Variants in RPS6KC1 observed in about 807,000 individuals in gnomAD.
RPS6KC1 encodes ribosomal protein S6 kinase C1.
A neutral mutation model predicts 103.8 loss-of-function variants in RPS6KC1; 54 were observed. That is an observed-to-expected ratio of 0.52 (90% CI 0.42 to 0.65). The LOEUF (loss-of-function observed/expected upper bound fraction) is 0.65. RPS6KC1 is among the 30% of genes least tolerant of loss of function. The pLI is 0.00. For missense variants in RPS6KC1, 1,151 were observed against 1,253.8 expected, an observed-to-expected ratio of 0.92 and a Z score of 1.24; for synonymous variants, 439 against 438.7, an observed-to-expected ratio of 1.00 and a Z score of -0.01.
chr1:213,595,558 G>A, the RPS6KC1 span, among the ~76,000 whole-genome samples: 5 of 152,316 alleles, frequency 3.3e-5, no homozygotes, highest in South Asian at 2.1e-4. Context: ...TCCTGACCAC[G>A]GATGGCTGGG....
At chr1:213,493,997 G>T in the RPS6KC1 span, among the ~76,000 whole-genome samples, 1 of 152,182 alleles carries the variant, frequency 6.6e-6, no homozygotes, top group Non-Finnish European at 1.5e-5. Flanking sequence ...CAGAAATCTG[G>T]GTGTAGAGGC....
chr1:213,443,846 A>G, the RPS6KC1 span, among the ~76,000 whole-genome samples: 2 of 152,122 alleles, frequency 1.3e-5, no homozygotes, highest in Non-Finnish European at 2.9e-5. Flanking sequence ...TGAAAGCTGC[A>G]GTGAGATCGC....
chr1:213,410,176 G>C, the RPS6KC1 span, among the ~76,000 whole-genome samples: 2 of 152,140 alleles, frequency 1.3e-5, no homozygotes, highest in Non-Finnish European at 2.9e-5. Context: ...ACAATGGAGA[G>C]ACTTGAGCAT....
the RPS6KC1 span, among the ~76,000 whole-genome samples, chr1:213,640,156 T>C: frequency 0.14 from 21,349 of 151,952 alleles, 2,368 homozygotes; most frequent in African/African-American, 0.31. Flanking sequence ...AAGAATTGGC[T>C]CATTTAATCT....
chr1:213,824,305 C>T, the RPS6KC1 span, among the ~76,000 whole-genome samples: 1 of 152,214 alleles, frequency 6.6e-6, no homozygotes, highest in Non-Finnish European at 1.5e-5. Flanking sequence ...GACACGTTTG[C>T]CTCACATCTT....
chr1:213,763,014 A>G, the RPS6KC1 span, among the ~76,000 whole-genome samples: 1 of 152,082 alleles, frequency 6.6e-6, no homozygotes, highest in Non-Finnish European at 1.5e-5. Context: ...ACCCGCCACC[A>G]TGCCCGGCTA....
chr1:213,734,939 T>G, the RPS6KC1 span, among the ~76,000 whole-genome samples: 2 of 152,302 alleles, frequency 1.3e-5, no homozygotes, highest in African/African-American at 2.4e-5. Flanking sequence ...GTTGTTGTTG[T>G]TTTTGAGACG....
At position 213,073,303 on chromosome 1, in the gene RPS6KC1, G is replaced by A. The variant is rs75474915; in HGVS notation, c.141+2262G>A. Among the ~76,000 whole-genome samples the A allele has an allele frequency of 9.3e-3, 1,422 of 152,356 alleles. 48 individuals are homozygous for A. Among genetic ancestry groups the A allele is most frequent in the East Asian group, 0.07 (364 of 5,190 alleles). On this transcript the variant is annotated intron_variant, in intron 2 of 14. Coordinates refer to ENST00000366960, the MANE Select transcript of RPS6KC1 (RefSeq NM_012424.6). ...AGATGTACTGATAGTTTAACAAAAT[G>A]TAGGGCTAGTAATACGCTAGCCTTA...
intron 6 of RPS6KC1, among the ~76,000 whole-genome samples, chr1:213,149,452 T>C (rs767127001): frequency 6.6e-6 from 1 of 152,240 alleles, no homozygotes; most frequent in Non-Finnish European, 1.5e-5. Flanking sequence ...TTCTGTAGTT[T>C]CCAAAATTCC....
At chr1:213,452,173 G>A in the RPS6KC1 span, among the ~76,000 whole-genome samples, 2 of 152,040 alleles carry the variant, frequency 1.3e-5, no homozygotes, top group African/African-American at 4.8e-5. Flanking sequence ...TTCAGCAAAC[G>A]GGCCTGGGAA....
chr1:213,783,556 C>G, the RPS6KC1 span, among the ~76,000 whole-genome samples: 2 of 152,034 alleles, frequency 1.3e-5, no homozygotes, highest in Non-Finnish European at 2.9e-5. Context: ...CTTTTTTGAA[C>G]CTTGCTTTAA....
At chr1:213,454,786 C>T in the RPS6KC1 span, among the ~76,000 whole-genome samples, 1 of 152,196 alleles carries the variant, frequency 6.6e-6, no homozygotes, top group East Asian at 1.9e-4. Flanking sequence ...CCTTTAGAGG[C>T]GTGCCCTCTG....
At chr1:213,270,467 G>T (rs2095021174) in intron 14 of RPS6KC1, among the ~76,000 whole-genome samples, 2 of 152,106 alleles carry the variant, frequency 1.3e-5, no homozygotes, top group South Asian at 4.1e-4. Context: ...GCATTCAAAA[G>T]TCACCATTAA....
the RPS6KC1 span, among the ~76,000 whole-genome samples, chr1:213,405,355 G>A: frequency 7.5e-4 from 114 of 152,174 alleles, 1 homozygote; most frequent in Non-Finnish European, 2.6e-4. Context: ...GGTTGGAGCC[G>A]CTGCCATTGG....
Position 213,202,768 on chromosome 1 carries a change from C to T in RPS6KC1, c.1044+26276C>T, listed in dbSNP as rs556261134. On this transcript the variant is annotated intron_variant, in intron 8 of 14. Transcript: ENST00000366960. ...ACCATCATTGTGTGTTTTATAAATA[C>T]CTCGATGCTTTCAAACCATTTTAAA... Among the ~76,000 whole-genome samples the T allele has an allele frequency of 1.4e-4, 22 of 152,158 alleles. No homozygotes were observed. The South Asian group carries it at 4.4e-3, about 30-fold the overall frequency.
At chr1:213,147,966 T>C (rs1179627422) in intron 6 of RPS6KC1, among the ~76,000 whole-genome samples, 2 of 152,194 alleles carry the variant, frequency 1.3e-5, no homozygotes, top group Non-Finnish European at 2.9e-5. Context: ...CTGTTGTAAA[T>C]GGGATTACTT....
the RPS6KC1 span, among the ~76,000 whole-genome samples, chr1:213,675,249 T>C: frequency 6.6e-6 from 1 of 152,220 alleles, no homozygotes; most frequent in African/African-American, 2.4e-5. Flanking sequence ...GACTTTCTCT[T>C]AGCACCTGTC....
At chr1:213,475,800 G>T in the RPS6KC1 span, among the ~76,000 whole-genome samples, 1 of 152,186 alleles carries the variant, frequency 6.6e-6, no homozygotes. Context: ...TGGCTCTGAT[G>T]TGTATGGCGG....
At chr1:213,249,790 T>TA (rs2094513345) in intron 12 of RPS6KC1, among the ~76,000 whole-genome samples, 1 of 152,214 alleles carries the variant, frequency 6.6e-6, no homozygotes, top group African/African-American at 2.4e-5. Flanking sequence ...ATGTGGTAGT[T>TA]ACTCGTTTCT....
Sources: allele counts gnomAD v4.1 joint callset (sites outside exome capture counted in the v4.1 genomes callset), GRCh38; gene constraint gnomAD v4.1.1; transcripts MANE v1.5; gene names NCBI Gene and HGNC (gene_info 2026-07-23, HGNC 2026-07-21).